TMX4: variants seen among roughly 807,000 people sequenced by gnomAD.
The protein encoded by TMX4 is thioredoxin related transmembrane protein 4, also known as thioredoxin-related transmembrane protein 4.
Under a neutral mutation model 33.3 loss-of-function variants are expected in TMX4, and 23 were observed. The observed-to-expected ratio is 0.69, with a 90% CI of 0.50 to 0.98. The LOEUF (loss-of-function observed/expected upper bound fraction) is 0.98, where lower values mean the gene tolerates loss of function less well. Among genes scored for constraint, TMX4 ranks in the 50% least tolerant of loss-of-function variants. The probability of loss-of-function intolerance (pLI) is 0.00; values close to 1 mark genes in which losing one functional copy is unlikely to be tolerated. For missense variants in TMX4, 399 were observed against 448.9 expected (o/e 0.89, Z 1.01); for synonymous variants, 164 against 161.5 (o/e 1.02, Z -0.12).
At chr20:8,010,088 C>A in intron 2 of TMX4, 112 bp downstream of exon 2, 1 of 748,946 alleles carries the variant, frequency 1.3e-6, no homozygotes, top group South Asian at 1.7e-5. Context: ...TTAAAGGTGG[C>A]CAGTTCATGG....
intron 2 of TMX4, among the ~76,000 whole-genome samples, chr20:8,004,510 T>A (rs2050719622): frequency 6.6e-6 from 1 of 152,236 alleles, no homozygotes; most frequent in African/African-American, 2.4e-5. Flanking sequence ...CCTTTTTTAC[T>A]TTAAGGGTAA....
intron 1 of TMX4, among the ~76,000 whole-genome samples, chr20:8,013,218 T>C (rs1394687880): frequency 6.6e-6 from 1 of 152,154 alleles, no homozygotes; most frequent in Non-Finnish European, 1.5e-5. Context: ...TGATCTTCAT[T>C]AAATTTATTT....
chr20:8,016,237 A>T lies in TMX4; in HGVS notation c.176+3201T>A, dbSNP rs73895465. Among the ~76,000 whole-genome samples the T allele has an allele frequency of 4.4e-3, 675 of 152,280 alleles. 2 individuals are homozygous for T. The highest frequency in any genetic ancestry group is 0.015 in the African/African-American group (634 of 41,556). ...GCAAACGAGTATACAATAAGCCCAT[A>T]GCCGGGTGCCTGTATTCCCAGCTAC... On this transcript the variant is annotated intron_variant, in intron 1 of 7. Transcript: ENST00000246024.
At chr20:7,998,725 C>T (rs1458589932) in intron 4 of TMX4, among the ~76,000 whole-genome samples, 1 of 152,190 alleles carries the variant, frequency 6.6e-6, no homozygotes, top group Admixed American at 6.5e-5. Flanking sequence ...CATACCCATT[C>T]CTGGGAATAA....
intron 5 of TMX4, among the ~76,000 whole-genome samples, 159 bp from the exon 6 acceptor site, chr20:7,987,548 A>T (rs1283474626): frequency 6.6e-6 from 1 of 152,158 alleles, no homozygotes; most frequent in Non-Finnish European, 1.5e-5. Flanking sequence ...AATATTGGGA[A>T]ACTGAGAGTA....
chr20:8,004,561 G>C (rs1207395360), intron 2 of TMX4, among the ~76,000 whole-genome samples: 2 of 152,070 alleles, frequency 1.3e-5, no homozygotes, highest in African/African-American at 4.8e-5. Context: ...ACATAAAGTA[G>C]GCACAAACAG....
intron 5 of TMX4, 84 bp downstream of exon 5, chr20:7,995,942 A>G (rs2122863126): frequency 8.9e-7 from 1 of 1,122,490 alleles, no homozygotes; most frequent in Non-Finnish European, 1.3e-6. Context: ...GTACTTATAA[A>G]TGTTTGTTTT....
At chr20:8,003,063 C>T (rs1177870216) in intron 2 of TMX4, among the ~76,000 whole-genome samples, 1 of 152,110 alleles carries the variant, frequency 6.6e-6, no homozygotes, top group African/African-American at 2.4e-5. Flanking sequence ...AGGATTTCAC[C>T]CTGGAGGGAA....
chr20:8,011,915 G>A (rs559042160), intron 1 of TMX4, among the ~76,000 whole-genome samples: 4 of 152,134 alleles, frequency 2.6e-5, no homozygotes, highest in Admixed American at 6.5e-5. Flanking sequence ...TTAAACCTTC[G>A]TGTCTCTGTA....
At position 7,978,416 on chromosome 20, in the gene TMX4, T is replaced by C. The variant is rs2050590231; in HGVS notation, c.*3835A>G. 6.6e-6 allele frequency: 1 copy of C among 152,194 alleles called. No individual in the cohort carries two copies. Among genetic ancestry groups the C allele is most frequent in the Admixed American group, 6.5e-5 (1 of 15,280 alleles). The allele number at this position is 152,194 out of a possible 1,614,324, so 9.4% of individuals were successfully genotyped here. A position where few individuals can be genotyped will look rare whatever the true frequency, so the allele number is the denominator to read the frequency against. Reference sequence around the variant, plus strand: ...TGGTAATAAAAAGTCACATGGTAAGTATTTGCCTTAAAAATGACTTTTATC... The same window carrying C: ...TGGTAATAAAAAGTCACATGGTAAGCATTTGCCTTAAAAATGACTTTTATC... On this transcript the variant is annotated 3_prime_UTR_variant, in exon 8 of 8. Coordinates refer to ENST00000246024, the MANE Select transcript of TMX4 (RefSeq NM_021156.4).
At chr20:7,986,383 A>T (rs1431487472) in intron 6 of TMX4, among the ~76,000 whole-genome samples, 1 of 152,158 alleles carries the variant, frequency 6.6e-6, no homozygotes, top group Non-Finnish European at 1.5e-5. Flanking sequence ...CTATAAGTCA[A>T]TTGTTAACAT....
At chr20:8,000,619 T>A (rs1470527303) in intron 3 of TMX4, among the ~76,000 whole-genome samples, 2 of 152,164 alleles carry the variant, frequency 1.3e-5, no homozygotes. Context: ...ACTGTCTTCC[T>A]TGCAGATGTC....
At chr20:8,008,604 T>C (rs969582804) in intron 2 of TMX4, among the ~76,000 whole-genome samples, 1 of 152,222 alleles carries the variant, frequency 6.6e-6, no homozygotes, top group Admixed American at 6.5e-5. Flanking sequence ...AATTATGCTA[T>C]AAATTCTGAG....
At chr20:7,994,717 G>C (rs2050668637) in intron 5 of TMX4, among the ~76,000 whole-genome samples, 1 of 152,080 alleles carries the variant, frequency 6.6e-6, no homozygotes, top group Non-Finnish European at 1.5e-5. Flanking sequence ...CAATTTTTCT[G>C]TTGAATTAGA....
intron 4 of TMX4, among the ~76,000 whole-genome samples, chr20:7,998,719 C>A (rs1032083627): frequency 1.3e-5 from 2 of 152,202 alleles, no homozygotes; most frequent in Non-Finnish European, 2.9e-5. Context: ...ATATGCCATA[C>A]CCATTCCTGG....
intron 1 of TMX4, among the ~76,000 whole-genome samples, chr20:8,012,582 A>G (rs2050757363): frequency 6.6e-6 from 1 of 152,188 alleles, no homozygotes. Flanking sequence ...AGTAACAAGA[A>G]TAAGGAAGTT....
At chr20:7,996,736 C>T (rs2050678182) in intron 4 of TMX4, among the ~76,000 whole-genome samples, 1 of 152,064 alleles carries the variant, frequency 6.6e-6, no homozygotes, top group African/African-American at 2.4e-5. Context: ...CCTGCACGAG[C>T]AACTTCTCTC....
chr20:8,005,404 C>A (rs2050724600), intron 2 of TMX4, among the ~76,000 whole-genome samples: 2 of 152,166 alleles, frequency 1.3e-5, no homozygotes, highest in Non-Finnish European at 2.9e-5. Flanking sequence ...TACATCTCAG[C>A]CATAAAAATG....
In TMX4 at chr20:8,006,099, T is replaced by C. The variant is rs150767459; in HGVS notation, c.292+4101A>G. The stretch of plus-strand genomic sequence containing the variant: ...AACACACGCCCACTGGGGCTTCAGC[T>C]GTAAACATTCACCCCTTTATGCTGC... On this transcript the variant is annotated intron_variant, in intron 2 of 7. Transcript: ENST00000246024. 2.3e-3 allele frequency among the ~76,000 whole-genome samples: 346 copies of C among 152,272 alleles called. 2 individuals are homozygous for C. Among genetic ancestry groups the C allele is most frequent in the African/African-American group, 8.0e-3 (332 of 41,554 alleles).
Sources: gnomAD v4.1 joint callset for allele counts (sites outside exome capture counted in the v4.1 genomes callset) on GRCh38, gnomAD v4.1.1 for gene constraint, MANE v1.5 for transcripts, NCBI Gene and HGNC (gene_info 2026-07-23, HGNC 2026-07-21) for gene names.